The following ARHGAP22 variants were observed in gnomAD, a reference collection of about 807,000 sequenced individuals.
The protein encoded by ARHGAP22 is rho GTPase-activating protein 22.
In ARHGAP22, 48 loss-of-function variants were observed where a neutral mutation model predicts 59.1. That is an observed-to-expected ratio of 0.81 (90% CI 0.64 to 1.03). The LOEUF is 1.03. Among genes scored for constraint, ARHGAP22 ranks in the 50% least tolerant of loss-of-function variants. The pLI, the probability that ARHGAP22 is intolerant of heterozygous loss-of-function variation, is 0.00. For synonymous variants in ARHGAP22, 445 were observed against 416.4 expected (o/e 1.07, Z -0.84); for missense variants, 1,015 against 958.7 (o/e 1.06, Z -0.78).
intron 3 of ARHGAP22, among the ~76,000 whole-genome samples, chr10:48,526,891 T>C (rs2054374668): frequency 6.6e-6 from 1 of 152,234 alleles, no homozygotes; most frequent in Non-Finnish European, 1.5e-5. Flanking sequence ...GGGCTTCTTG[T>C]TTTATTGCCT....
chr10:48,595,782 A>G (rs1349464861), intron 1 of ARHGAP22, among the ~76,000 whole-genome samples: 1 of 152,174 alleles, frequency 6.6e-6, no homozygotes, highest in Non-Finnish European at 1.5e-5. Flanking sequence ...GGCTTCTGGA[A>G]TTACAGGCAT....
chr10:48,519,498 G>C (rs912144501), intron 3 of ARHGAP22, among the ~76,000 whole-genome samples: 3 of 152,224 alleles, frequency 2.0e-5, no homozygotes, highest in African/African-American at 7.2e-5. Flanking sequence ...AATAGGCTGG[G>C]GCCAGCCAGC....
At chr10:48,493,352 A>C (rs2050597110) in intron 3 of ARHGAP22, 1 of 1,357,934 alleles carries the variant, frequency 7.4e-7, no homozygotes, top group African/African-American at 1.4e-5. Flanking sequence ...GCCACCAAAC[A>C]CCACTTCCCT....
At chr10:48,610,278 A>G (rs2135961448) in intron 1 of ARHGAP22, among the ~76,000 whole-genome samples, 1 of 152,282 alleles carries the variant, frequency 6.6e-6, no homozygotes, top group Admixed American at 6.5e-5. Flanking sequence ...GGGATCCTGA[A>G]CAGAAGGACA....
chr10:48,459,591 C>T, intron 5 of ARHGAP22, 93 bp downstream of exon 5: 2 of 1,433,202 alleles, frequency 1.4e-6, no homozygotes, highest in Non-Finnish European at 1.9e-6. Context: ...TGTCGCTAGC[C>T]CACCCCTGCC....
At chr10:48,504,502 G>T (rs933622934) in intron 3 of ARHGAP22, among the ~76,000 whole-genome samples, 1 of 152,304 alleles carries the variant, frequency 6.6e-6, no homozygotes, top group East Asian at 1.9e-4. Context: ...AAATGGGGTG[G>T]GTCAGGAAAA....
chr10:48,655,071 T>TCC (rs2062746321), upstream of ARHGAP22, among the ~76,000 whole-genome samples: 1 of 52,970 alleles, frequency 1.9e-5, no homozygotes, highest in Non-Finnish European at 3.8e-5. Flanking sequence ...CTTCCCTCCT[T>TCC]CTCTTCTCTT....
chr10:48,436,061 A>T, the ARHGAP22 span: 2 of 152,082 alleles, frequency 1.3e-5, no homozygotes. Flanking sequence ...ATTTGATTCT[A>T]CTTGTAGCAT....
upstream of ARHGAP22, among the ~76,000 whole-genome samples, chr10:48,654,829 C>CTTTCTTTCTTT: frequency 9.7e-6 from 1 of 102,600 alleles, no homozygotes; most frequent in South Asian, 3.0e-4. Flanking sequence ...TTTCTTTCTT[C>CTTTCTTTCTTT]CTTCCTTCCT....
intron 1 of ARHGAP22, among the ~76,000 whole-genome samples, chr10:48,651,033 T>G (rs2062540127): frequency 6.6e-6 from 1 of 152,218 alleles, no homozygotes; most frequent in South Asian, 2.1e-4. Context: ...CTGTGGAGTC[T>G]GAGCCCACCC....
chr10:48,582,620 T>C (rs1173362410), intron 2 of ARHGAP22: 2 of 348,520 alleles, frequency 5.7e-6, no homozygotes, highest in East Asian at 1.3e-4. Context: ...AAGATACAAG[T>C]AATGAAATGT....
At chr10:48,550,256 C>T (rs1228763849) in intron 3 of ARHGAP22, among the ~76,000 whole-genome samples, 1 of 152,232 alleles carries the variant, frequency 6.6e-6, no homozygotes, top group Non-Finnish European at 1.5e-5. Context: ...CCTTTTTACT[C>T]TCCTCCTAGC....
intron 2 of ARHGAP22, among the ~76,000 whole-genome samples, chr10:48,571,403 T>C (rs1380559923): frequency 6.6e-6 from 1 of 152,226 alleles, no homozygotes; most frequent in African/African-American, 2.4e-5. Flanking sequence ...GGACATGAGT[T>C]TGGACTCCTC....
chr10:48,612,119 C>T (rs1008495096), intron 1 of ARHGAP22, among the ~76,000 whole-genome samples: 2 of 151,172 alleles, frequency 1.3e-5, no homozygotes, highest in Non-Finnish European at 3.0e-5. Flanking sequence ...CCACACCCAG[C>T]CAACTTCCTC....
intron 1 of ARHGAP22, among the ~76,000 whole-genome samples, chr10:48,591,305 G>A (rs553375703): frequency 1.3e-5 from 2 of 152,340 alleles, no homozygotes; most frequent in Non-Finnish European, 2.9e-5. Flanking sequence ...TTCATTCATC[G>A]TTAGAGGAGA....
upstream of ARHGAP22, among the ~76,000 whole-genome samples, chr10:48,654,465 G>A (rs2062679255): frequency 6.6e-6 from 1 of 152,216 alleles, no homozygotes; most frequent in African/African-American, 2.4e-5. Context: ...CCAATGCAAT[G>A]TGCTGATTGG....
At chr10:48,517,408 G>T (rs1385768305) in intron 3 of ARHGAP22, among the ~76,000 whole-genome samples, 1 of 152,158 alleles carries the variant, frequency 6.6e-6, no homozygotes, top group African/African-American at 2.4e-5. Flanking sequence ...TTTCATTGAG[G>T]TGTTCCCCAT....
rs374645652 is a variant in ARHGAP22, at chr10:48,503,460, G to T, written c.323-23696C>A. On this transcript the variant is annotated intron_variant, in intron 3 of 9. Transcript: ENST00000249601. ...TATTTATTTCTACATTGGTATAAACGATGTCAGTCTCAGAGATTAATGAGG... is the reference window on the plus strand; with the variant it reads ...TATTTATTTCTACATTGGTATAAACTATGTCAGTCTCAGAGATTAATGAGG... 5.9e-5 allele frequency among the ~76,000 whole-genome samples: 9 copies of T among 152,288 alleles called. No individual in the cohort carries two copies. The South Asian group carries it at 1.4e-3, about 25-fold the overall frequency.
chr10:48,466,200 C>G (rs1346949956), intron 4 of ARHGAP22, among the ~76,000 whole-genome samples: 3 of 152,072 alleles, frequency 2.0e-5, no homozygotes, highest in African/African-American at 7.2e-5. Context: ...GGGTCAGAGC[C>G]CGAGGCTCGG....
Sources: gnomAD v4.1 joint callset for allele counts (sites outside exome capture counted in the v4.1 genomes callset) on GRCh38, gnomAD v4.1.1 for gene constraint, MANE v1.5 for transcripts, NCBI Gene and HGNC (gene_info 2026-07-23, HGNC 2026-07-21) for gene names.